The following ADPRM variants were observed in gnomAD, a reference collection of about 807,000 sequenced individuals.
ADPRM encodes ADP-ribose/CDP-alcohol diphosphatase, manganese dependent.
Under a neutral mutation model 27.2 loss-of-function variants are expected in ADPRM, and 17 were observed. The ratio of observed to expected loss-of-function variants is 0.63; its 90% confidence interval spans 0.43 to 0.94. ADPRM has a LOEUF of 0.94. ADPRM is among the 40% of genes least tolerant of loss of function. ADPRM has a pLI of 0.00. For missense variants in ADPRM, 337 were observed against 412.8 expected, an observed-to-expected ratio of 0.82 and a Z score of 1.59; for synonymous variants, 135 against 145.3, an observed-to-expected ratio of 0.93 and a Z score of 0.51.
intron 3 of ADPRM, among the ~76,000 whole-genome samples, chr17:10,708,119 A>G (rs138875028): frequency 1.2e-4 from 18 of 152,170 alleles, no homozygotes; most frequent in Middle Eastern, 3.4e-3. Context: ...TCAGTAGTGT[A>G]TCTAATGAAA....
chr17:10,708,361 A>G (rs429303), intron 3 of ADPRM, among the ~76,000 whole-genome samples: 73,016 of 147,230 alleles, frequency 0.5, 18,797 homozygotes, highest in African/African-American at 0.64. Flanking sequence ...ACCAGAAGGC[A>G]GAGGTTGCAG....
chr17:10,705,569 TA>T lies in ADPRM; in HGVS notation c.601+45del. ...AGCTGAGAATCTAATAGATTGTCTTTAAATTCTTCAGCTACCTTTTATTCAG... is the reference window on the plus strand; with the variant it reads ...AGCTGAGAATCTAATAGATTGTCTTTAATTCTTCAGCTACCTTTTATTCAG... On this transcript the variant is annotated intron_variant, in intron 2 of 3. Coordinates refer to ENST00000379774, the MANE Select transcript of ADPRM (RefSeq NM_020233.5). This position sits in a 1 kb window ranked among gnomAD's most constrained non-coding sequence, Gnocchi z 5.4. 6.3e-7 allele frequency: 1 copy of T among 1,587,132 alleles called. No homozygotes were observed.
chr17:10,701,506 T>G (rs1416252860), intron 1 of ADPRM, among the ~76,000 whole-genome samples: 1 of 151,832 alleles, frequency 6.6e-6, no homozygotes, highest in Non-Finnish European at 1.5e-5. Flanking sequence ...AATTTTTGTA[T>G]TTTTAGTAGA....
intron 2 of ADPRM, 29 bp from the exon 3 acceptor site, chr17:10,706,409 A>G: frequency 1.3e-6 from 2 of 1,499,490 alleles, no homozygotes; most frequent in Non-Finnish European, 1.8e-6. Flanking sequence ...AAATGACTTG[A>G]TGGGGCTAAC....
intron 1 of ADPRM, among the ~76,000 whole-genome samples, chr17:10,699,574 G>T (rs2074762828): frequency 7.0e-6 from 1 of 143,614 alleles, no homozygotes; most frequent in Non-Finnish European, 1.5e-5. Context: ...CCAAGCTGGA[G>T]TGTGCAGTGG....
intron 3 of ADPRM, among the ~76,000 whole-genome samples, chr17:10,710,293 G>C (rs2151465319): frequency 6.6e-6 from 1 of 152,222 alleles, no homozygotes; most frequent in Non-Finnish European, 1.5e-5. Context: ...GTAGAGACAG[G>C]GTTTCACCAT....
At chr17:10,699,568 G>A (rs1369701283) in intron 1 of ADPRM, among the ~76,000 whole-genome samples, 1 of 134,952 alleles carries the variant, frequency 7.4e-6, no homozygotes, top group African/African-American at 2.8e-5. Context: ...TGTCGCCCAA[G>A]CTGGAGTGTG....
chr17:10,711,073 A>G lies in ADPRM; in HGVS notation c.958A>G (p.Met320Val). The G allele has an allele frequency of 6.2e-7, 1 of 1,614,190 alleles. No individual in the cohort carries two copies. Among genetic ancestry groups the G allele is most frequent in the Non-Finnish European group, 8.5e-7 (1 of 1,179,984 alleles). The change falls in exon 4 of 4, where the codon ATG (methionine) becomes GTG (valine). Residue 320 changes from methionine to valine, a missense_variant. By Grantham distance (21) the Met-to-Val change is conservative. Coordinates refer to ENST00000379774, the MANE Select transcript of ADPRM (RefSeq NM_020233.5). ...GTVHVYPDKMMLKGRGRVPDR... is the reference protein window; with the variant it reads ...GTVHVYPDKMVLKGRGRVPDR... ...AGTTCATGTCTATCCTGACAAAATG[A>G]TGTTGAAAGGGAGAGGCAGAGTTCC...
Position 10,705,342 on chromosome 17 carries a change from C to T in ADPRM, c.416C>T (p.Pro139Leu), listed in dbSNP as rs1483413914. The T allele has an allele frequency of 6.2e-7, 1 of 1,613,968 alleles. No homozygotes were observed. Among genetic ancestry groups the T allele is most frequent in the African/African-American group, 1.3e-5 (1 of 75,000 alleles). ...CTAGAAGATCAGATTGTACATCATC[C>T]TGAGACCATGCCTTCAGAAGATTAT... is the stretch of plus-strand genomic sequence containing the variant. The part of the protein sequence containing the change: ...KFLEDQIVHH[P>L]ETMPSEDYYA... Residue 139 changes from proline (P) to leucine (L), a missense_variant, in exon 2 of 4, where the codon CCT becomes CTT. Transcript: ENST00000379774. The surrounding 1 kb of genome is among the most constrained non-coding windows in gnomAD (Gnocchi z 5.4).
At position 10,702,649 on chromosome 17, in the gene ADPRM, T is replaced by C. The variant is rs62060717; in HGVS notation, c.-17-2261T>C. Among the ~76,000 whole-genome samples, 6,536 of 152,294 alleles carry C rather than the reference T, an allele frequency of 0.043. 206 individuals are homozygous for C. Among genetic ancestry groups the C allele is most frequent in the Non-Finnish European group, 0.068 (4,627 of 68,018 alleles). On this transcript the variant is annotated intron_variant, in intron 1 of 3. Transcript: ENST00000379774. This position sits in a 1 kb window ranked among gnomAD's most constrained non-coding sequence, Gnocchi z 4.2. ...GCAGTGCCTGTCCCAGGGCTGATGC[T>C]TATTGTGACCCAGGTTGAGTTACAT...
intron 1 of ADPRM, among the ~76,000 whole-genome samples, chr17:10,701,644 A>G (rs1439722306): frequency 2.0e-5 from 3 of 152,054 alleles, no homozygotes; most frequent in African/African-American, 7.2e-5. Flanking sequence ...GTACATTTTT[A>G]AACACACATA....
Position 10,705,432 on chromosome 17 carries a change from G to A in ADPRM, c.506G>A (p.Ser169Asn). 1 of 1,614,058 alleles carries A rather than the reference G, an allele frequency of 6.2e-7. No individual in the cohort carries two copies. Among genetic ancestry groups the A allele is most frequent in the South Asian group, 1.1e-5 (1 of 91,078 alleles). Reference sequence around the variant, plus strand: ...ATTTTACTTGATGCATATGACTTGAGTGTCTTGGGCGTGGATCAGTCTTCT... The same window carrying A: ...ATTTTACTTGATGCATATGACTTGAATGTCTTGGGCGTGGATCAGTCTTCT... ...RFILLDAYDL[S>N]VLGVDQSSPK... The change falls in exon 2 of 4, where the codon AGT becomes AAT. Residue 169 changes from serine (S) to asparagine (N), a missense_variant. By Grantham distance (46) the Ser-to-Asn change is conservative. Transcript: ENST00000379774. This position sits in a 1 kb window ranked among gnomAD's most constrained non-coding sequence, Gnocchi z 5.4.
chr17:10,701,622 C>A (rs977936769), intron 1 of ADPRM, among the ~76,000 whole-genome samples: 1 of 152,206 alleles, frequency 6.6e-6, no homozygotes, highest in African/African-American at 2.4e-5. Flanking sequence ...AGCCACCACG[C>A]CTGGCCTATA....
rs1390152655 is a variant in ADPRM, at chr17:10,702,892, G to T, written c.-17-2018G>T. ...AGGCAAAAATAACAGCTGTCCACTG[G>T]AGAGAAGATCCAATTCATTGGGACT... On this transcript the variant is annotated intron_variant, in intron 1 of 3. Coordinates refer to ENST00000379774, the MANE Select transcript of ADPRM (RefSeq NM_020233.5). The surrounding 1 kb of genome is among the most constrained non-coding windows in gnomAD (Gnocchi z 4.2). Among the ~76,000 whole-genome samples, 1 of 152,194 alleles carries T rather than the reference G, an allele frequency of 6.6e-6. No homozygotes were observed. The highest frequency in any genetic ancestry group is 1.5e-5 in the Non-Finnish European group (1 of 68,032).
intron 3 of ADPRM, 44 bp from the exon 4 acceptor site, chr17:10,710,790 T>C: frequency 6.5e-7 from 1 of 1,545,970 alleles, no homozygotes; most frequent in Non-Finnish European, 8.9e-7. Flanking sequence ...ATAGAAGAGA[T>C]ATTTCTTAAT....
At position 10,710,856 on chromosome 17, in the gene ADPRM, C is replaced by T. The variant is rs368408429; in HGVS notation, c.741C>T (p.Asp247=). 2.0e-5 allele frequency: 33 copies of T among 1,614,084 alleles called. No homozygotes were observed. Among genetic ancestry groups the T allele is most frequent in the African/African-American group, 9.3e-5 (7 of 75,052 alleles). ...CAGGCCATCTTCCCATTTACCCGGA[C>T]GCCTCTGACAATGTGTGCCTGGCCT... ...VIVSHLPIYP[D]ASDNVCLAWN... Residue 247 remains aspartate, a synonymous_variant, in exon 4 of 4, where the codon GAC becomes GAT. Transcript: ENST00000379774.
At chr17:10,698,862 C>T (rs2074754492) in intron 1 of ADPRM, among the ~76,000 whole-genome samples, 1 of 152,050 alleles carries the variant, frequency 6.6e-6, no homozygotes, top group African/African-American at 2.4e-5. Flanking sequence ...TATTTGTTTG[C>T]CCAGGGATAA....
At chr17:10,709,031 G>A (rs1232528385) in intron 3 of ADPRM, among the ~76,000 whole-genome samples, 1 of 152,202 alleles carries the variant, frequency 6.6e-6, no homozygotes, top group Non-Finnish European at 1.5e-5. Flanking sequence ...AAAACGGAAT[G>A]ATTGAAGTTT....
intron 1 of ADPRM, among the ~76,000 whole-genome samples, chr17:10,704,486 C>CAAA (rs201571510): frequency 5.2e-5 from 4 of 76,728 alleles, no homozygotes; most frequent in Non-Finnish European, 3.0e-5. Flanking sequence ...CACAGCTTTC[C>CAAA]AAAAAAAAAA....
Sources: allele counts gnomAD v4.1 joint callset (sites outside exome capture counted in the v4.1 genomes callset), GRCh38; gene constraint gnomAD v4.1.1; non-coding constraint Gnocchi (gnomAD v3.1); transcripts MANE v1.5; gene names NCBI Gene and HGNC (gene_info 2026-07-23, HGNC 2026-07-21).